IL1RAPL1: variants seen among roughly 807,000 people sequenced by gnomAD.
IL1RAPL1 encodes interleukin-1 receptor accessory protein-like 1.
IL1RAPL1 carries 3 observed loss-of-function variants against 48.4 expected under a neutral mutation model. The ratio of observed to expected loss-of-function variants is 0.06; its 90% CI spans 0.03 to 0.16. The LOEUF is 0.16. IL1RAPL1 is among the 10% of genes least tolerant of loss of function. The probability of loss-of-function intolerance (pLI) is 1.00; values close to 1 mark genes in which losing one functional copy is unlikely to be tolerated. For missense variants in IL1RAPL1, 349 were observed against 530.6 expected, an observed-to-expected ratio of 0.66 and a Z score of 3.36; for synonymous variants, 185 against 187.7, an observed-to-expected ratio of 0.99 and a Z score of 0.12.
At chrX:28,970,711 A>T (rs183022419) in intron 2 of IL1RAPL1, among the ~76,000 whole-genome samples, 27 of 112,027 alleles carry the variant, frequency 2.4e-4, no homozygotes, top group Non-Finnish European at 4.9e-4. Context: ...ACAAAAATTT[A>T]TCCTTTTTAA....
intron 6 of IL1RAPL1, among the ~76,000 whole-genome samples, chrX:29,736,657 C>T (rs1362328696): frequency 9.0e-6 from 1 of 110,793 alleles, no homozygotes; most frequent in African/African-American, 3.3e-5. Flanking sequence ...ACCCGGGAGG[C>T]AGAGGTTACA....
At chrX:29,682,726 T>C (rs1926495767) in intron 6 of IL1RAPL1, among the ~76,000 whole-genome samples, 1 of 112,452 alleles carries the variant, frequency 8.9e-6, no homozygotes, top group East Asian at 2.8e-4. Context: ...TCAGCTTTAA[T>C]AGTCATAAAT....
At chrX:28,615,880 G>A (rs757619815) in intron 1 of IL1RAPL1, among the ~76,000 whole-genome samples, 3 of 111,798 alleles carry the variant, frequency 2.7e-5, no homozygotes, top group Admixed American at 9.5e-5. Flanking sequence ...AGACCCAAGC[G>A]AGGCCCCTTC....
intron 6 of IL1RAPL1, among the ~76,000 whole-genome samples, chrX:29,693,662 G>T (rs1456922106): frequency 8.9e-6 from 1 of 112,158 alleles, no homozygotes; most frequent in Non-Finnish European, 1.9e-5. Context: ...AAATGAAAGT[G>T]AGCAGTGTCA....
chrX:29,613,887 C>T (rs1254938793), intron 5 of IL1RAPL1, among the ~76,000 whole-genome samples: 1 of 106,397 alleles, frequency 9.4e-6, no homozygotes, highest in Non-Finnish European at 1.9e-5. Flanking sequence ...CCTCAGCCTC[C>T]CGAGTAGCTG....
At chrX:28,773,855 A>G (rs1427310223) in intron 1 of IL1RAPL1, among the ~76,000 whole-genome samples, 1 of 112,162 alleles carries the variant, frequency 8.9e-6, no homozygotes, top group African/African-American at 3.2e-5. Flanking sequence ...TGTATTTGAT[A>G]TCTTTGCTCT....
At chrX:29,459,356 T>G (rs1409519128) in intron 5 of IL1RAPL1, among the ~76,000 whole-genome samples, 1 of 111,906 alleles carries the variant, frequency 8.9e-6, no homozygotes, top group African/African-American at 3.2e-5. Flanking sequence ...TTTTAGAGTT[T>G]TCAGTACCAG....
At chrX:28,810,626 G>A (rs1233048510) in intron 2 of IL1RAPL1, among the ~76,000 whole-genome samples, 1 of 110,674 alleles carries the variant, frequency 9.0e-6, no homozygotes, top group African/African-American at 3.3e-5. Context: ...ATCTTCTATT[G>A]AATGTAAAAT....
chrX:28,717,776 T>C (rs1935521666), intron 1 of IL1RAPL1, among the ~76,000 whole-genome samples: 1 of 111,273 alleles, frequency 9.0e-6, no homozygotes, highest in South Asian at 3.7e-4. Flanking sequence ...AAACTGGTAC[T>C]TTGAAAGAAG....
intron 2 of IL1RAPL1, among the ~76,000 whole-genome samples, chrX:28,834,551 A>G (rs1921155047): frequency 9.0e-6 from 1 of 111,233 alleles, no homozygotes; most frequent in East Asian, 2.8e-4. Flanking sequence ...TATATTATGC[A>G]TTAATATGCT....
At chrX:29,441,071 A>G (rs1234392120) in intron 5 of IL1RAPL1, among the ~76,000 whole-genome samples, 2 of 110,013 alleles carry the variant, frequency 1.8e-5, no homozygotes, top group African/African-American at 6.6e-5. Context: ...TTCTGTTATT[A>G]TCTACTTTTT....
chrX:29,195,396 C>A (rs1930423199), intron 2 of IL1RAPL1, among the ~76,000 whole-genome samples: 1 of 110,954 alleles, frequency 9.0e-6, no homozygotes, highest in African/African-American at 3.3e-5. Context: ...TCCAGACACC[C>A]AGGAAGGTTT....
At chrX:29,549,045 G>A (rs1241534871) in intron 5 of IL1RAPL1, among the ~76,000 whole-genome samples, 4 of 111,911 alleles carry the variant, frequency 3.6e-5, no homozygotes, top group African/African-American at 1.3e-4. Flanking sequence ...GCGGGAAAGT[G>A]AGACTAGTAG....
At position 29,941,789 on chromosome X, in the gene IL1RAPL1, A is replaced by C. The variant is rs1414017227; in HGVS notation, c.1196A>C (p.Asp399Ala). ...YRNHFGAEEL[D>A]GDNKDYDAYL... ...AATCATTTTGGAGCTGAAGAGCTCG[A>C]TGGAGGTAGGATGTTACCTCTTTTA... Residue 399 changes from aspartate to alanine, a missense_variant, in exon 9 of 11, where the codon GAT (aspartate) becomes GCT (alanine). Around this residue, in one of 3 missense-constraint regions of IL1RAPL1, gnomAD observed 238 missense variants for 337.8 expected, o/e 0.70. Transcript: ENST00000378993. 8.3e-7 allele frequency: 1 copy of C among 1,204,857 alleles called. No individual in the cohort carries two copies. The highest frequency in any genetic ancestry group is 1.1e-6 in the Non-Finnish European group (1 of 890,684).
intron 5 of IL1RAPL1, among the ~76,000 whole-genome samples, chrX:29,539,712 T>C (rs1443950615): frequency 9.0e-6 from 1 of 111,077 alleles, no homozygotes; most frequent in Non-Finnish European, 1.9e-5. Flanking sequence ...TGCTCTGCCA[T>C]GTGAAGTACC....
intron 2 of IL1RAPL1, among the ~76,000 whole-genome samples, chrX:28,866,636 T>C (rs1922083631): frequency 8.9e-6 from 1 of 112,230 alleles, no homozygotes; most frequent in South Asian, 3.7e-4. Flanking sequence ...ATGGCCATCA[T>C]TTTTTATGAG....
intron 2 of IL1RAPL1, among the ~76,000 whole-genome samples, chrX:29,192,469 TTAATA>T (rs1930370175): frequency 9.0e-6 from 1 of 111,669 alleles, no homozygotes; most frequent in Non-Finnish European, 1.9e-5. Context: ...TCTTAACTGT[TTAATA>T]TAACCAACTA....
intron 2 of IL1RAPL1, among the ~76,000 whole-genome samples, chrX:28,847,322 A>G (rs915177690): frequency 2.7e-5 from 3 of 110,843 alleles, no homozygotes; most frequent in African/African-American, 6.6e-5. Flanking sequence ...CACCTGTTTT[A>G]TTTCAATAGT....
intron 6 of IL1RAPL1, among the ~76,000 whole-genome samples, chrX:29,898,201 G>A (rs34527908): frequency 0.032 from 3,547 of 111,771 alleles, 114 homozygotes; most frequent in Admixed American, 0.14. Flanking sequence ...CAGAATTGCA[G>A]TTTTGAAATG....
Sources: allele counts gnomAD v4.1 joint callset (sites outside exome capture counted in the v4.1 genomes callset), GRCh38; gene constraint gnomAD v4.1.1; regional missense constraint gnomAD v4.1.1; transcripts MANE v1.5; gene names NCBI Gene and HGNC (gene_info 2026-07-23, HGNC 2026-07-21).